The following DST variants were observed in gnomAD, a reference collection of about 807,000 sequenced individuals.
DST encodes the protein dystonin.
DST carries 253 observed loss-of-function variants against 875.2 expected under a neutral mutation model. That is an observed-to-expected ratio of 0.29 (90% CI 0.26 to 0.32). The LOEUF (loss-of-function observed/expected upper bound fraction) is 0.32, where lower values mean the gene tolerates loss of function less well. Among genes scored for constraint, DST ranks in the 10% least tolerant of loss-of-function variants. The pLI is 1.00. For missense variants in DST, 8,287 were observed against 9,111.6 expected (o/e 0.91, Z 3.68); for synonymous variants, 3,124 against 3,197.1 (o/e 0.98, Z 0.77).
At chr6:56,717,009 A>G (rs1054072324) in intron 5 of DST, among the ~76,000 whole-genome samples, 20 of 151,900 alleles carry the variant, frequency 1.3e-4, no homozygotes, top group East Asian at 1.9e-4. Context: ...GTGAAACCCC[A>G]TCTCTACTAA....
intron 4 of DST, among the ~76,000 whole-genome samples, chr6:56,825,307 C>T (rs999513270): frequency 6.8e-6 from 1 of 147,534 alleles, no homozygotes; most frequent in African/African-American, 2.5e-5. Flanking sequence ...GCAGCATGCT[C>T]GTTAAGAGTC....
chr6:56,875,114 G>A (rs1176376572), intron 3 of DST, among the ~76,000 whole-genome samples: 1 of 152,208 alleles, frequency 6.6e-6, no homozygotes, highest in African/African-American at 2.4e-5. Flanking sequence ...CTCCCGAGTA[G>A]CTGGGACTAC....
At chr6:56,557,175 T>C (rs2097437179) in intron 59 of DST, 144 bp downstream of exon 59, 4 of 728,384 alleles carry the variant, frequency 5.5e-6, no homozygotes, top group South Asian at 2.0e-5. Context: ...CAGTATCTTA[T>C]GGGCATCTGA....
chr6:56,794,773 C>T (rs1159160279), intron 4 of DST, among the ~76,000 whole-genome samples: 1 of 152,168 alleles, frequency 6.6e-6, no homozygotes, highest in Non-Finnish European at 1.5e-5. Flanking sequence ...AGCATGCCTT[C>T]ACATCCTAAA....
intron 4 of DST, among the ~76,000 whole-genome samples, chr6:56,832,956 C>T (rs2099789014): frequency 1.3e-5 from 2 of 152,160 alleles, no homozygotes; most frequent in South Asian, 4.1e-4. Context: ...CCAGGCTGGT[C>T]TCGAACTACT....
chr6:56,552,145 G>A (rs1269583426), intron 61 of DST, 39 bp downstream of exon 61: 1 of 1,533,310 alleles, frequency 6.5e-7, no homozygotes, highest in Non-Finnish European at 8.7e-7. Flanking sequence ...AAACTTCATT[G>A]ACAATAAAAA....
chr6:56,585,481 C>G (rs926432974), intron 49 of DST, among the ~76,000 whole-genome samples: 4 of 151,976 alleles, frequency 2.6e-5, no homozygotes, highest in South Asian at 2.1e-4. Context: ...TGATTCTTCT[C>G]TCTTTTTTTC....
intron 4 of DST, among the ~76,000 whole-genome samples, chr6:56,753,326 A>G (rs1589668111): frequency 6.6e-6 from 1 of 152,322 alleles, no homozygotes; most frequent in East Asian, 1.9e-4. Flanking sequence ...AGAACATTCA[A>G]ATGGCTGCAT....
chr6:56,691,219 A>G (rs1187875348), intron 9 of DST, among the ~76,000 whole-genome samples: 1 of 152,228 alleles, frequency 6.6e-6, no homozygotes, highest in Non-Finnish European at 1.5e-5. Flanking sequence ...ATTCATAAAC[A>G]TATAGTAGTC....
At chr6:56,760,980 C>T (rs957850831) in intron 4 of DST, among the ~76,000 whole-genome samples, 2 of 152,196 alleles carry the variant, frequency 1.3e-5, no homozygotes, top group African/African-American at 2.4e-5. Context: ...TGTAGGGACA[C>T]TAATTAATGG....
At chr6:56,542,636 G>A (rs1047869837) in intron 61 of DST, 1 of 152,382 alleles carries the variant, frequency 6.6e-6, no homozygotes, top group Non-Finnish European at 1.5e-5. Context: ...GCCGCGGTAT[G>A]GCCTTCATTT....
intron 9 of DST, among the ~76,000 whole-genome samples, chr6:56,695,619 T>C (rs2099259214): frequency 6.6e-6 from 1 of 152,216 alleles, no homozygotes; most frequent in Non-Finnish European, 1.5e-5. Context: ...ATATCACCAA[T>C]AATATTCATC....
chr6:56,604,588 A>G lies in DST; in HGVS notation c.10040T>C (p.Leu3347Ser), dbSNP rs1358655186. The G allele has an allele frequency of 6.2e-7, 1 of 1,611,816 alleles. No homozygotes were observed. Among genetic ancestry groups the G allele is most frequent in the African/African-American group, 1.3e-5 (1 of 74,702 alleles). Residue 3347 changes from leucine to serine, a missense_variant, in exon 40 of 104, where the codon TTG becomes TCG. By Grantham distance (145) the Leu-to-Ser change is moderately radical (BLOSUM62 -2). This residue lies in a region of DST where 3,138 missense variants were observed against 3,116.6 expected (regional missense o/e 1.01). Transcript: ENST00000680361. ...SQEKEVQIPE[L>S]SQVFVEDVKD... ...TACATCCTCCACAAATACCTGAGAC[A>G]ATTCAGGAATCTGAACCTCCTTTTC...
chr6:56,492,454 A>G (rs1177342692), intron 84 of DST, 21 bp from the exon 85 acceptor site: 1 of 1,596,032 alleles, frequency 6.3e-7, no homozygotes, highest in Admixed American at 1.8e-5. Context: ...AAAAAAGGAA[A>G]TAAGTAGAAA....
chr6:56,843,043 G>T, intron 4 of DST: 1 of 1,452,876 alleles, frequency 6.9e-7, no homozygotes. Context: ...CCCCAGGGCA[G>T]GGACCACATA....
chr6:56,625,838 C>T (rs976647096), intron 34 of DST, among the ~76,000 whole-genome samples: 1 of 151,468 alleles, frequency 6.6e-6, no homozygotes, highest in Non-Finnish European at 1.5e-5. Context: ...CAGCTCCATA[C>T]ATGTGATTGC....
At chr6:56,838,442 T>C (rs1389602714) in intron 4 of DST, among the ~76,000 whole-genome samples, 1 of 152,170 alleles carries the variant, frequency 6.6e-6, no homozygotes, top group East Asian at 1.9e-4. Flanking sequence ...GACTACAAGA[T>C]AGCAGTAAGA....
chr6:56,546,910 A>G (rs2097239074), intron 61 of DST, among the ~76,000 whole-genome samples: 1 of 152,194 alleles, frequency 6.6e-6, no homozygotes, highest in African/African-American at 2.4e-5. Context: ...TCACTCTAAA[A>G]TGGTGATATA....
intron 47 of DST, 67 bp from the exon 48 acceptor site, chr6:56,594,260 G>A: frequency 7.6e-7 from 1 of 1,323,618 alleles, no homozygotes; most frequent in Non-Finnish European, 1.0e-6. Flanking sequence ...GGAGCTCCTT[G>A]CCGCCTCAAG....
Sources: allele counts gnomAD v4.1 joint callset (sites outside exome capture counted in the v4.1 genomes callset), GRCh38; gene constraint gnomAD v4.1.1; regional missense constraint gnomAD v4.1.1; transcripts MANE v1.5; gene names NCBI Gene and HGNC (gene_info 2026-07-23, HGNC 2026-07-21).